KCNIP4: variants seen among roughly 807,000 people sequenced by gnomAD.
KCNIP4 encodes Kv channel-interacting protein 4.
KCNIP4 carries 12 observed loss-of-function variants against 34.0 expected under a neutral mutation model. The observed-to-expected ratio is 0.35, with a 90% CI of 0.23 to 0.57. KCNIP4 has a LOEUF of 0.57. Among genes scored for constraint, KCNIP4 ranks in the 20% least tolerant of loss-of-function variants. KCNIP4 has a pLI of 0.83. For missense variants in KCNIP4, 238 were observed against 311.7 expected (o/e 0.76, Z 1.78); for synonymous variants, 124 against 102.2 (o/e 1.21, Z -1.29).
intron 1 of KCNIP4, among the ~76,000 whole-genome samples, chr4:21,317,962 T>A (rs1305313470): frequency 6.6e-6 from 1 of 152,224 alleles, no homozygotes; most frequent in Non-Finnish European, 1.5e-5. Context: ...CCTCTTTATT[T>A]TGTAAATTGC....
intron 1 of KCNIP4, among the ~76,000 whole-genome samples, chr4:21,806,092 T>A (rs938701042): frequency 1.3e-5 from 2 of 152,128 alleles, no homozygotes; most frequent in Non-Finnish European, 2.9e-5. Context: ...AGTTAAGGGT[T>A]TTTTCTGCCT....
intron 1 of KCNIP4, among the ~76,000 whole-genome samples, chr4:21,441,303 G>A (rs1441781461): frequency 2.6e-5 from 4 of 151,744 alleles, no homozygotes; most frequent in African/African-American, 4.8e-5. Context: ...CACCACGCCC[G>A]GCTAATTTTT....
At chr4:20,884,423 C>T (rs914291277) in intron 1 of KCNIP4, among the ~76,000 whole-genome samples, 1 of 151,814 alleles carries the variant, frequency 6.6e-6, no homozygotes, top group Non-Finnish European at 1.5e-5. Flanking sequence ...GACAGACCCC[C>T]GTGTGTGATG....
At position 21,234,072 on chromosome 4, in the gene KCNIP4, C is replaced by CATAACATATAACGTATATTATAT. The variant is rs1560197994; in HGVS notation, c.62-351386_62-351364dup. Reference sequence around the variant, plus strand: ...ATAACACATAACATATATAACATAACATAACATATAACGTATATTATATAT... The same window carrying CATAACATATAACGTATATTATAT: ...ATAACACATAACATATATAACATAACATAACATATAACGTATATTATATATAACATATAACGTATATTATATAT... On this transcript the variant is annotated intron_variant, in intron 1 of 8. Transcript: ENST00000382152. Among the ~76,000 whole-genome samples the CATAACATATAACGTATATTATAT allele has an allele frequency of 3.3e-3, 308 of 92,728 alleles. 75 individuals are homozygous for CATAACATATAACGTATATTATAT. The highest frequency in any genetic ancestry group is 0.022 in the African/African-American group (285 of 13,240). 60.8% of individuals were successfully genotyped at this position (92,728 alleles called of 152,430 possible).
intron 1 of KCNIP4, among the ~76,000 whole-genome samples, chr4:21,206,986 G>A (rs1208137719): frequency 6.6e-6 from 1 of 152,160 alleles, no homozygotes; most frequent in East Asian, 1.9e-4. Flanking sequence ...TCCTAAAAAT[G>A]TTTTTGGCAG....
At chr4:21,812,097 T>C (rs745386146) in intron 1 of KCNIP4, among the ~76,000 whole-genome samples, 6 of 152,236 alleles carry the variant, frequency 3.9e-5, no homozygotes, top group African/African-American at 9.6e-5. Context: ...CAAATTGGTA[T>C]ATTCACAATA....
chr4:21,191,406 C>T lies in KCNIP4; in HGVS notation c.62-308697G>A, dbSNP rs77923992. On this transcript the variant is annotated intron_variant, in intron 1 of 8. Coordinates refer to ENST00000382152, the MANE Select transcript of KCNIP4 (RefSeq NM_025221.6). ...TGATCAATTGCCTATAGTTTAATGACGGAAGATAGGCATTGGTTTCCCAAA... is the reference window on the plus strand; with the variant it reads ...TGATCAATTGCCTATAGTTTAATGATGGAAGATAGGCATTGGTTTCCCAAA... Among the ~76,000 whole-genome samples the T allele has an allele frequency of 3.3e-3, 510 of 152,290 alleles. 6 individuals carry two copies. Among genetic ancestry groups the T allele is most frequent in the African/African-American group, 0.01 (426 of 41,556 alleles).
At chr4:21,089,796 T>C (rs998026154) in intron 1 of KCNIP4, among the ~76,000 whole-genome samples, 3 of 152,154 alleles carry the variant, frequency 2.0e-5, no homozygotes, top group Non-Finnish European at 4.4e-5. Context: ...AACCCCCAGC[T>C]TCTTTACATT....
chr4:21,490,041 C>T (rs17307875), intron 1 of KCNIP4, among the ~76,000 whole-genome samples: 5,758 of 152,086 alleles, frequency 0.038, 326 homozygotes, highest in African/African-American at 0.12. Context: ...ATGTGGAAAG[C>T]GCTCTTTTTA....
chr4:21,045,495 A>G (rs1168939403), intron 1 of KCNIP4, among the ~76,000 whole-genome samples: 2 of 152,118 alleles, frequency 1.3e-5, no homozygotes, highest in Non-Finnish European at 2.9e-5. Flanking sequence ...TTACTTATTT[A>G]CTCAAGCCTT....
chr4:21,842,572 C>T lies in KCNIP4; in HGVS notation c.61+105999G>A, dbSNP rs181343094. On this transcript the variant is annotated intron_variant, in intron 1 of 8. Transcript: ENST00000382152. ...TGTATTTTATGTACAAATACTTTTA[C>T]GCATTTTATGTACAAATATTTTAAC... Among the ~76,000 whole-genome samples, 140 of 152,050 alleles carry T rather than the reference C, an allele frequency of 9.2e-4. 1 individual carries two copies. Among genetic ancestry groups the T allele is most frequent in the African/African-American group, 3.1e-3 (130 of 41,504 alleles).
At chr4:21,336,047 C>T (rs565310542) in intron 1 of KCNIP4, among the ~76,000 whole-genome samples, 1 of 152,122 alleles carries the variant, frequency 6.6e-6, no homozygotes, top group Non-Finnish European at 1.5e-5. Context: ...TATGATATTG[C>T]TTTCCTAGTT....
intron 1 of KCNIP4, among the ~76,000 whole-genome samples, chr4:21,106,380 T>C (rs908180287): frequency 4.0e-5 from 6 of 151,770 alleles, no homozygotes; most frequent in Admixed American, 2.0e-4. Context: ...CTAGTTTATT[T>C]GCGTAAGGAT....
rs149727673 is a variant in KCNIP4, at chr4:21,666,851, T to A, written c.61+281720A>T. ...ATAAGGGGGAGGAAAGAGAGCCACA[T>A]TGAATGGGTTCTTCTCCTGCTTACC... On this transcript the variant is annotated intron_variant, in intron 1 of 8. Transcript: ENST00000382152. Among the ~76,000 whole-genome samples the A allele has an allele frequency of 4.0e-3, 612 of 152,314 alleles. 2 individuals are homozygous for A. The highest frequency in any genetic ancestry group is 0.014 in the African/African-American group (572 of 41,568).
intron 1 of KCNIP4, among the ~76,000 whole-genome samples, chr4:21,419,299 G>A (rs1467452516): frequency 6.6e-6 from 1 of 152,126 alleles, no homozygotes; most frequent in Non-Finnish European, 1.5e-5. Flanking sequence ...TAGCTTCCTA[G>A]CTGGTTTCCT....
intron 1 of KCNIP4, among the ~76,000 whole-genome samples, chr4:21,684,365 T>C (rs1279121436): frequency 6.6e-6 from 1 of 152,198 alleles, no homozygotes; most frequent in African/African-American, 2.4e-5. Flanking sequence ...TCATATTTCA[T>C]AATAAAATTC....
intron 1 of KCNIP4, among the ~76,000 whole-genome samples, chr4:21,042,745 G>A (rs1256120122): frequency 2.0e-5 from 3 of 152,208 alleles, no homozygotes; most frequent in African/African-American, 7.2e-5. Context: ...TGATTTGATC[G>A]TGCACTACTT....
At chr4:21,090,199 T>A (rs1746872085) in intron 1 of KCNIP4, among the ~76,000 whole-genome samples, 1 of 152,220 alleles carries the variant, frequency 6.6e-6, no homozygotes, top group Non-Finnish European at 1.5e-5. Flanking sequence ...CACATATTTT[T>A]TTGTGTGTTT....
At chr4:21,515,662 G>A (rs1388351818) in intron 1 of KCNIP4, among the ~76,000 whole-genome samples, 9 of 152,108 alleles carry the variant, frequency 5.9e-5, no homozygotes, top group African/African-American at 2.2e-4. Flanking sequence ...GTAGGAACTT[G>A]AGTAATTAGA....
Sources: gnomAD v4.1 joint callset for allele counts (sites outside exome capture counted in the v4.1 genomes callset) on GRCh38, gnomAD v4.1.1 for gene constraint, MANE v1.5 for transcripts, NCBI Gene and HGNC (gene_info 2026-07-23, HGNC 2026-07-21) for gene names.